NDUFS4: variants seen among roughly 807,000 people sequenced by gnomAD.
The protein encoded by NDUFS4 is NADH:ubiquinone oxidoreductase subunit S4.
Under a neutral mutation model 24.3 loss-of-function variants are expected in NDUFS4, and 28 were observed. The ratio of observed to expected loss-of-function variants is 1.15; its 90% CI spans 0.85 to 1.58. The LOEUF (loss-of-function observed/expected upper bound fraction) is 1.58, where lower values mean the gene tolerates loss of function less well. Among genes scored for constraint, NDUFS4 ranks in the 40% most tolerant of loss-of-function variants. The pLI, the probability that NDUFS4 is intolerant of heterozygous loss-of-function variation, is 0.00. For synonymous variants in NDUFS4, 93 were observed against 69.7 expected, an observed-to-expected ratio of 1.34 and a Z score of -1.67; for missense variants, 223 against 207.9, an observed-to-expected ratio of 1.07 and a Z score of -0.45.
intron 1 of NDUFS4, among the ~76,000 whole-genome samples, chr5:53,563,901 G>A (rs1748938623): frequency 6.6e-6 from 1 of 152,176 alleles, no homozygotes; most frequent in Non-Finnish European, 1.5e-5. Context: ...CAGATGAAAT[G>A]GCACTCTATT....
chr5:53,652,640 T>G (rs1752051723), intron 3 of NDUFS4, among the ~76,000 whole-genome samples: 1 of 152,218 alleles, frequency 6.6e-6, no homozygotes, highest in African/African-American at 2.4e-5. Context: ...TGATCTTTGT[T>G]TTTAGATTTC....
At chr5:53,603,272 TCA>T in intron 1 of NDUFS4, among the ~76,000 whole-genome samples, 178 bp from the exon 2 acceptor site, 1 of 151,722 alleles carries the variant, frequency 6.6e-6, no homozygotes, top group Non-Finnish European at 1.5e-5. Context: ...TGCCAAAAAC[TCA>T]GCAGACAGAA....
At chr5:53,592,350 C>T (rs1437556015) in intron 1 of NDUFS4, among the ~76,000 whole-genome samples, 1 of 152,104 alleles carries the variant, frequency 6.6e-6, no homozygotes, top group Non-Finnish European at 1.5e-5. Flanking sequence ...CTTGTCTTTT[C>T]ATTCTTTTAA....
intron 3 of NDUFS4, among the ~76,000 whole-genome samples, chr5:53,649,045 A>T (rs548407945): frequency 6.6e-6 from 1 of 152,258 alleles, no homozygotes; most frequent in South Asian, 2.1e-4. Flanking sequence ...AGGTGAGGGG[A>T]TGCTCTCTGG....
At chr5:53,563,926 C>T (rs1425166462) in intron 1 of NDUFS4, among the ~76,000 whole-genome samples, 1 of 152,196 alleles carries the variant, frequency 6.6e-6, no homozygotes, top group Non-Finnish European at 1.5e-5. Context: ...AATAGCTATA[C>T]TTAAGATATT....
At chr5:53,577,789 A>G (rs1049082725) in intron 1 of NDUFS4, among the ~76,000 whole-genome samples, 6 of 152,102 alleles carry the variant, frequency 3.9e-5, no homozygotes, top group African/African-American at 1.4e-4. Flanking sequence ...CTTCTATATA[A>G]TGTTATGTTT....
intron 2 of NDUFS4, among the ~76,000 whole-genome samples, chr5:53,625,135 AATGGGGTTCGCC>A (rs1281500781): frequency 6.6e-6 from 1 of 151,852 alleles, no homozygotes; most frequent in African/African-American, 2.4e-5. Flanking sequence ...TTTTTGTAGA[AATGGGGTTCGCC>A]ATGTTACCCA....
chr5:53,656,181 C>T, intron 3 of NDUFS4, among the ~76,000 whole-genome samples: 1 of 146,708 alleles, frequency 6.8e-6, no homozygotes, highest in African/African-American at 2.5e-5. Context: ...TAGATTGGTT[C>T]CTTTTTTTTA....
chr5:53,676,340 T>C (rs1740468293), intron 4 of NDUFS4, among the ~76,000 whole-genome samples: 1 of 152,214 alleles, frequency 6.6e-6, no homozygotes. Flanking sequence ...TTCTTATCCC[T>C]CGGGATATAC....
chr5:53,561,160 G>A (rs1454496032), intron 1 of NDUFS4, among the ~76,000 whole-genome samples: 5 of 152,148 alleles, frequency 3.3e-5, no homozygotes, highest in African/African-American at 1.2e-4. Flanking sequence ...CCTTACAGAA[G>A]GGTTAAATCA....
At chr5:53,599,493 C>T in intron 1 of NDUFS4, among the ~76,000 whole-genome samples, 1 of 152,090 alleles carries the variant, frequency 6.6e-6, no homozygotes. Context: ...ATTTGCATTG[C>T]TCTAATTAGT....
chr5:53,617,767 T>G (rs1222466017), intron 2 of NDUFS4, among the ~76,000 whole-genome samples: 1 of 152,190 alleles, frequency 6.6e-6, no homozygotes, highest in Non-Finnish European at 1.5e-5. Flanking sequence ...GGTTTATACA[T>G]TATTACATTA....
intron 1 of NDUFS4, among the ~76,000 whole-genome samples, chr5:53,568,853 T>C (rs1172173514): frequency 6.6e-6 from 1 of 152,222 alleles, no homozygotes; most frequent in East Asian, 1.9e-4. Flanking sequence ...GGGAGTAAAA[T>C]CTGGCTGCTT....
chr5:53,626,241 A>G (rs555303028), intron 2 of NDUFS4, among the ~76,000 whole-genome samples: 47 of 152,272 alleles, frequency 3.1e-4, no homozygotes, highest in African/African-American at 1.1e-3. Flanking sequence ...GCTGTATAGT[A>G]TTCCATGGTG....
rs771763568 is a variant in NDUFS4, at chr5:53,560,670, C to T, written c.8C>T (p.Ala3Val). 5 of 1,614,242 alleles carry T rather than the reference C, an allele frequency of 3.1e-6. No individual in the cohort carries two copies. The highest frequency in any genetic ancestry group is 1.3e-5 in the African/African-American group (1 of 75,072). The change falls in exon 1 of 5, where the codon GCG becomes GTG. Residue 3 changes from alanine (A) to valine (V), a missense_variant. Ala to Val is a moderately conservative substitution (Grantham distance 64, BLOSUM62 0). Transcript: ENST00000296684. ...GCGTTTGCCTGCAGCAAGATGGCGG[C>T]GGTGTCAATGTCAGTGGTACTGAGG... is the stretch of plus-strand genomic sequence containing the variant. MA[A>V]VSMSVVLRQT...
chr5:53,680,863 T>TCAAG (rs900105674), intron 4 of NDUFS4, among the ~76,000 whole-genome samples: 1 of 151,950 alleles, frequency 6.6e-6, no homozygotes, highest in African/African-American at 2.4e-5. Flanking sequence ...AAAATACATT[T>TCAAG]CAAGCACTCA....
At chr5:53,590,695 CAT>C (rs559770812) in intron 1 of NDUFS4, among the ~76,000 whole-genome samples, 16 of 152,276 alleles carry the variant, frequency 1.1e-4, no homozygotes, top group Admixed American at 2.0e-4. Context: ...CAAACTTTTG[CAT>C]ATGTGTCTTT....
intron 1 of NDUFS4, among the ~76,000 whole-genome samples, chr5:53,597,409 A>T (rs256082): frequency 0.13 from 19,208 of 152,104 alleles, 2,248 homozygotes; most frequent in East Asian, 0.46. Flanking sequence ...TCTTAATGGG[A>T]GGGAGGAGCG....
At chr5:53,577,371 A>G (rs991643043) in intron 1 of NDUFS4, among the ~76,000 whole-genome samples, 29 of 152,122 alleles carry the variant, frequency 1.9e-4, no homozygotes, top group African/African-American at 6.8e-4. Context: ...TAATGGGAGT[A>G]TGAATTCCTG....
Sources: gnomAD v4.1 joint callset for allele counts (sites outside exome capture counted in the v4.1 genomes callset) on GRCh38, gnomAD v4.1.1 for gene constraint, MANE v1.5 for transcripts, NCBI Gene and HGNC (gene_info 2026-07-23, HGNC 2026-07-21) for gene names.